The following SLC5A12 variants were observed in gnomAD, a reference collection of about 807,000 sequenced individuals.
SLC5A12 encodes the protein solute carrier family 5 member 12.
A neutral mutation model predicts 72.7 loss-of-function variants in SLC5A12; 46 were observed. That is an observed-to-expected ratio of 0.63 (90% CI 0.50 to 0.81). The LOEUF (loss-of-function observed/expected upper bound fraction) is 0.81, where lower values mean the gene tolerates loss of function less well. Ranked by LOEUF, SLC5A12 falls within the 30% of genes least tolerant of loss-of-function variation. SLC5A12 has a pLI of 0.00. For synonymous variants in SLC5A12, 275 were observed against 264.4 expected (o/e 1.04, Z -0.39); for missense variants, 683 against 740.7 (o/e 0.92, Z 0.90).
At chr11:26,697,072 C>G in intron 8 of SLC5A12, 92 bp downstream of exon 8, 1 of 1,070,580 alleles carries the variant, frequency 9.3e-7, no homozygotes, top group Non-Finnish European at 1.4e-6. Context: ...AGTTTACACA[C>G]AGTGAGTGCT....
At chr11:26,690,531 C>T (rs1854642141) in intron 9 of SLC5A12, among the ~76,000 whole-genome samples, 1 of 151,188 alleles carries the variant, frequency 6.6e-6, no homozygotes, top group African/African-American at 2.4e-5. Context: ...AATTTAGTGG[C>T]CTGGCGCAGT....
intron 12 of SLC5A12, 34 bp from the exon 13 acceptor site, chr11:26,678,849 C>T (rs753980020): frequency 6.9e-7 from 1 of 1,446,828 alleles, no homozygotes; most frequent in Non-Finnish European, 9.7e-7. Context: ...CAATTCCATG[C>T]ATCCTAAAGA....
chr11:26,681,291 GAGTT>G, intron 11 of SLC5A12, 70 bp from the exon 12 acceptor site: 7 of 1,163,954 alleles, frequency 6.0e-6, no homozygotes, highest in Non-Finnish European at 8.3e-6. Flanking sequence ...ATGAGATGAG[GAGTT>G]CTATGCCTTA....
In SLC5A12 at chr11:26,698,158, A is replaced by G. The variant is rs113796319; in HGVS notation, c.951+248T>C. ...GGTGATCTGCCCGCCTCGGCCTCCCAAAGTGCTGGGATTACAGGTGTGATC... is the reference window on the plus strand; with the variant it reads ...GGTGATCTGCCCGCCTCGGCCTCCCGAAGTGCTGGGATTACAGGTGTGATC... On this transcript the variant is annotated intron_variant, in intron 7 of 14. Coordinates refer to ENST00000396005, the MANE Select transcript of SLC5A12 (RefSeq NM_178498.4). 5.7e-4 allele frequency among the ~76,000 whole-genome samples: 87 copies of G among 152,062 alleles called. 2 individuals are homozygous for G. The highest frequency in any genetic ancestry group is 2.0e-3 in the African/African-American group (81 of 41,480).
intron 9 of SLC5A12, chr11:26,691,759 G>C (rs1408442323): frequency 3.3e-5 from 5 of 152,100 alleles, no homozygotes; most frequent in Non-Finnish European, 7.4e-5. Flanking sequence ...ACTTTAAAAA[G>C]TAAACCTTGT....
chr11:26,718,620 TTGTGTGTG>T lies in SLC5A12; in HGVS notation c.339+2748_339+2755del, dbSNP rs10578471. On this transcript the variant is annotated intron_variant, in intron 1 of 14. Coordinates refer to ENST00000396005, the MANE Select transcript of SLC5A12 (RefSeq NM_178498.4). ...TGTGCGCCACCATGCCTGGCTAATT[TTGTGTGTG>T]TGTGTGTGTGTGTGTGTGTGTGTGT... is the stretch of plus-strand genomic sequence containing the variant. Among the ~76,000 whole-genome samples the T allele has an allele frequency of 5.5e-3, 821 of 149,704 alleles. 8 individuals are homozygous for T. The highest frequency in any genetic ancestry group is 7.5e-3 in the African/African-American group (305 of 40,606).
At chr11:26,716,061 A>G (rs1855342889) in intron 1 of SLC5A12, among the ~76,000 whole-genome samples, 1 of 152,234 alleles carries the variant, frequency 6.6e-6, no homozygotes, top group South Asian at 2.1e-4. Context: ...TGTAACAAAA[A>G]CCAAAAATAT....
chr11:26,697,014 G>A (rs1227163323), intron 8 of SLC5A12, 150 bp downstream of exon 8: 1 of 678,764 alleles, frequency 1.5e-6, no homozygotes, highest in African/African-American at 1.8e-5. Flanking sequence ...AGGCTCATAT[G>A]TTGTGTACCA....
rs749739389 is a variant in SLC5A12 at position 26,671,063 on chromosome 11, G to T, written c.*39C>A. The stretch of plus-strand genomic sequence containing the variant: ...ATGTGGAGTTTGTGTGTGTGTGTGT[G>T]TATTGCACGTGTGTGTGTGCATTCA... On this transcript the variant is annotated 3_prime_UTR_variant, in exon 15 of 15. Transcript: ENST00000396005. 1.9e-6 allele frequency: 3 copies of T among 1,548,536 alleles called. No individual in the cohort carries two copies. Among genetic ancestry groups the T allele is most frequent in the Non-Finnish European group, 2.6e-6 (3 of 1,134,270 alleles).
At chr11:26,709,238 C>A in intron 4 of SLC5A12, 74 bp downstream of exon 4, 8 of 1,052,732 alleles carry the variant, frequency 7.6e-6, no homozygotes, top group Non-Finnish European at 8.6e-6. Context: ...TAATTAGATG[C>A]CTATTGCTGG....
intron 11 of SLC5A12, among the ~76,000 whole-genome samples, chr11:26,681,987 G>C (rs1384763362): frequency 6.6e-6 from 1 of 151,906 alleles, no homozygotes; most frequent in Admixed American, 6.6e-5. Context: ...TTTAATCAGT[G>C]TGTGTGATTT....
chr11:26,710,838 GTTTAC>G, intron 3 of SLC5A12, among the ~76,000 whole-genome samples: 4 of 152,080 alleles, frequency 2.6e-5, no homozygotes, highest in African/African-American at 9.6e-5. Flanking sequence ...TCATTGTGAA[GTTTAC>G]TTTGACTTTT....
At chr11:26,713,099 T>C (rs1038433747) in intron 1 of SLC5A12, among the ~76,000 whole-genome samples, 7 of 152,096 alleles carry the variant, frequency 4.6e-5, no homozygotes, top group Admixed American at 6.6e-5. Context: ...CCAATTGATC[T>C]CCCTAATACC....
At chr11:26,694,703 A>G (rs1854767286) in intron 8 of SLC5A12, among the ~76,000 whole-genome samples, 1 of 152,204 alleles carries the variant, frequency 6.6e-6, no homozygotes. Flanking sequence ...ACATATTAAC[A>G]TACTAAAAGT....
At chr11:26,719,168 T>G (rs2035294932) in intron 1 of SLC5A12, among the ~76,000 whole-genome samples, 1 of 152,204 alleles carries the variant, frequency 6.6e-6, no homozygotes, top group African/African-American at 2.4e-5. Context: ...AAGTAAATTG[T>G]TCAATAATTT....
chr11:26,698,887 T>TA (rs1393078315), intron 6 of SLC5A12, among the ~76,000 whole-genome samples: 2 of 152,182 alleles, frequency 1.3e-5, no homozygotes, highest in Non-Finnish European at 2.9e-5. Context: ...ATTTTCCCCC[T>TA]ACTCAATTCA....
intron 8 of SLC5A12, among the ~76,000 whole-genome samples, chr11:26,696,805 C>T (rs1401207271): frequency 6.6e-6 from 1 of 152,148 alleles, no homozygotes; most frequent in Non-Finnish European, 1.5e-5. Flanking sequence ...GCAGAGTGAG[C>T]TGCTTTATGT....
At chr11:26,703,240 T>A (rs1855000879) in intron 6 of SLC5A12, among the ~76,000 whole-genome samples, 1 of 152,146 alleles carries the variant, frequency 6.6e-6, no homozygotes, top group Non-Finnish European at 1.5e-5. Flanking sequence ...CCACCCACAG[T>A]ACCTAATTTA....
intron 9 of SLC5A12, among the ~76,000 whole-genome samples, chr11:26,687,961 A>G (rs1296635274): frequency 1.3e-5 from 2 of 152,344 alleles, no homozygotes; most frequent in Middle Eastern, 3.4e-3. Context: ...ATAAGCCTGA[A>G]GAACAGAAGA....
Sources: allele counts gnomAD v4.1 joint callset (sites outside exome capture counted in the v4.1 genomes callset), GRCh38; gene constraint gnomAD v4.1.1; transcripts MANE v1.5; gene names NCBI Gene and HGNC (gene_info 2026-07-23, HGNC 2026-07-21).